Variants in PCDH7 observed in about 807,000 individuals in gnomAD.
PCDH7 encodes protocadherin-7.
In PCDH7, 17 loss-of-function variants were observed where a neutral mutation model predicts 58.9. The ratio of observed to expected loss-of-function variants is 0.29; its 90% CI spans 0.20 to 0.43. PCDH7 has a LOEUF of 0.43. PCDH7 is among the 20% of genes least tolerant of loss of function. The probability of loss-of-function intolerance (pLI) is 1.00; values close to 1 mark genes in which losing one functional copy is unlikely to be tolerated. For synonymous variants in PCDH7, 664 were observed against 616.4 expected (o/e 1.08, Z -1.14); for missense variants, 1,274 against 1,441.0 (o/e 0.88, Z 1.88).
At chr4:30,801,574 C>T (rs1240063944) in intron 1 of PCDH7, among the ~76,000 whole-genome samples, 6 of 152,104 alleles carry the variant, frequency 3.9e-5, no homozygotes, top group Admixed American at 3.9e-4. Context: ...GGCCACTAGT[C>T]TTTAAACTAA....
chr4:30,953,136 C>G (rs1472425761), intron 3 of PCDH7, among the ~76,000 whole-genome samples: 1 of 152,106 alleles, frequency 6.6e-6, no homozygotes, highest in Non-Finnish European at 1.5e-5. Context: ...TTGCTTATCT[C>G]CACTTGAATA....
At chr4:30,806,239 A>G (rs905003543) in intron 1 of PCDH7, among the ~76,000 whole-genome samples, 2 of 152,150 alleles carry the variant, frequency 1.3e-5, no homozygotes, top group Non-Finnish European at 2.9e-5. Flanking sequence ...CTGGAAAGTC[A>G]GCTCTTTTCT....
chr4:30,851,764 G>T (rs1048416779), intron 1 of PCDH7, among the ~76,000 whole-genome samples: 2 of 151,910 alleles, frequency 1.3e-5, no homozygotes, highest in African/African-American at 4.8e-5. Context: ...TTAAGTAATG[G>T]TTATCATTAA....
intron 1 of PCDH7, among the ~76,000 whole-genome samples, chr4:30,788,553 A>T (rs1161784076): frequency 6.6e-6 from 1 of 152,162 alleles, no homozygotes; most frequent in Non-Finnish European, 1.5e-5. Context: ...AATAAAAAAA[A>T]CTACTTTATA....
intron 3 of PCDH7, among the ~76,000 whole-genome samples, chr4:30,962,095 G>A (rs4379027): frequency 0.61 from 93,502 of 152,036 alleles, 30,024 homozygotes; most frequent in African/African-American, 0.81. Context: ...CTCCAGTTGA[G>A]CAAAAGTGCA....
At chr4:30,894,463 G>GAAAAA (rs750545292) in intron 1 of PCDH7, among the ~76,000 whole-genome samples, 3 of 13,042 alleles carry the variant, frequency 2.3e-4, no homozygotes, top group Non-Finnish European at 3.8e-4. Flanking sequence ...TTTCATTCAG[G>GAAAAA]AAAAAAAAAA....
At chr4:31,133,888 T>G (rs2109339310) in intron 3 of PCDH7, among the ~76,000 whole-genome samples, 1 of 152,298 alleles carries the variant, frequency 6.6e-6, no homozygotes, top group East Asian at 1.9e-4. Flanking sequence ...TCAATTGCTG[T>G]TTGAGTTTAG....
At chr4:30,778,464 A>C (rs1722356007) in intron 1 of PCDH7, among the ~76,000 whole-genome samples, 1 of 152,112 alleles carries the variant, frequency 6.6e-6, no homozygotes, top group Non-Finnish European at 1.5e-5. Flanking sequence ...ATACCCCCAA[A>C]ATTTAAAATG....
intron 2 of PCDH7, among the ~76,000 whole-genome samples, chr4:30,930,750 A>G (rs1242932001): frequency 6.6e-6 from 1 of 151,748 alleles, no homozygotes; most frequent in Non-Finnish European, 1.5e-5. Flanking sequence ...TGGGCAACAG[A>G]GTGAGACCCT....
chr4:31,090,668 A>T (rs991985988), intron 3 of PCDH7, among the ~76,000 whole-genome samples: 2 of 152,068 alleles, frequency 1.3e-5, no homozygotes, highest in Non-Finnish European at 2.9e-5. Flanking sequence ...GATGCCAAAA[A>T]TATTTTTCTT....
At chr4:30,838,288 G>A (rs1368231581) in intron 1 of PCDH7, among the ~76,000 whole-genome samples, 2 of 152,096 alleles carry the variant, frequency 1.3e-5, no homozygotes. Flanking sequence ...TTCTCCCCAG[G>A]CACTGGAATT....
intron 3 of PCDH7, among the ~76,000 whole-genome samples, chr4:31,085,853 C>CTCT (rs1553847869): frequency 2.2e-4 from 30 of 138,942 alleles, no homozygotes; most frequent in Middle Eastern, 3.8e-3. Flanking sequence ...CTCTCTCTCT[C>CTCT]TTTTTTTTTT....
chr4:30,772,848 T>A (rs1721589006), intron 1 of PCDH7, among the ~76,000 whole-genome samples: 1 of 152,236 alleles, frequency 6.6e-6, no homozygotes, highest in Non-Finnish European at 1.5e-5. Context: ...ATCTTGTTAA[T>A]CCTAACAATT....
At chr4:30,867,423 T>A (rs1163797499) in intron 1 of PCDH7, among the ~76,000 whole-genome samples, 3 of 152,110 alleles carry the variant, frequency 2.0e-5, no homozygotes, top group Non-Finnish European at 2.9e-5. Context: ...GTCCTATACT[T>A]CAGGGCACCT....
intron 3 of PCDH7, among the ~76,000 whole-genome samples, chr4:31,060,291 G>A (rs555169964): frequency 2.0e-4 from 30 of 151,798 alleles, no homozygotes; most frequent in African/African-American, 5.8e-4. Flanking sequence ...GACTAAGACC[G>A]TACTCACTGA....
chr4:30,934,906 T>C (rs896454227), intron 2 of PCDH7, among the ~76,000 whole-genome samples: 2 of 152,108 alleles, frequency 1.3e-5, no homozygotes, highest in Non-Finnish European at 1.5e-5. Flanking sequence ...GGTCAATTCA[T>C]GTATTATCTC....
At chr4:30,880,630 T>C (rs1736845875) in intron 1 of PCDH7, among the ~76,000 whole-genome samples, 1 of 152,194 alleles carries the variant, frequency 6.6e-6, no homozygotes, top group African/African-American at 2.4e-5. Context: ...CTTGCCTATT[T>C]ATTTCCATTT....
intron 1 of PCDH7, among the ~76,000 whole-genome samples, chr4:30,779,237 C>G (rs1722481519): frequency 6.6e-6 from 1 of 151,864 alleles, no homozygotes; most frequent in Non-Finnish European, 1.5e-5. Context: ...GTTGCCCAGG[C>G]TGGTCTCAAA....
chr4:31,013,632 T>C (rs1352189773), intron 3 of PCDH7, among the ~76,000 whole-genome samples: 1 of 151,022 alleles, frequency 6.6e-6, no homozygotes, highest in Non-Finnish European at 1.5e-5. Flanking sequence ...TATCTGCACA[T>C]ACTGTTTCTC....
Sources: gnomAD v4.1 joint callset for allele counts (sites outside exome capture counted in the v4.1 genomes callset) on GRCh38, gnomAD v4.1.1 for gene constraint, MANE v1.5 for transcripts, NCBI Gene and HGNC (gene_info 2026-07-23, HGNC 2026-07-21) for gene names.